WDR7: variants seen among roughly 807,000 people sequenced by gnomAD.
The protein encoded by WDR7 is WD repeat domain 7, also known as WD repeat-containing protein 7.
WDR7 carries 46 observed loss-of-function variants against 169.4 expected under a neutral mutation model. The ratio of observed to expected loss-of-function variants is 0.27; its 90% CI spans 0.21 to 0.35. The LOEUF (loss-of-function observed/expected upper bound fraction) is 0.35, where lower values mean the gene tolerates loss of function less well. Among genes scored for constraint, WDR7 ranks in the 10% least tolerant of loss-of-function variants. WDR7 has a pLI of 1.00. For synonymous variants in WDR7, 612 were observed against 666.8 expected, an observed-to-expected ratio of 0.92 and a Z score of 1.27; for missense variants, 1,534 against 1,859.3, an observed-to-expected ratio of 0.83 and a Z score of 3.22.
chr18:56,939,331 C>A lies in WDR7; in HGVS notation c.4002C>A (p.Tyr1334Ter). ...LLVEVMDIIM[Y>*]CLEGSLVKKK... ...CAAAGGTTATGGACATCATTATGTA[C>A]TGCCTTGAAGGATCTTTAGTTAAAA... Residue 1334 changes from tyrosine (Y) to a stop codon, truncating the protein, a stop_gained, in exon 25 of 28, where the codon TAC (tyrosine) becomes TAA (stop). Coordinates refer to ENST00000254442, the MANE Select transcript of WDR7 (RefSeq NM_015285.3). LOFTEE classifies it high-confidence loss of function. The A allele has an allele frequency of 6.3e-7, 1 of 1,575,120 alleles. No individual in the cohort carries two copies. The highest frequency in any genetic ancestry group is 8.6e-7 in the Non-Finnish European group (1 of 1,160,728).
chr18:56,900,082 G>GTGTGTGTATATATATA (rs1409730889), intron 21 of WDR7, among the ~76,000 whole-genome samples: 1 of 32,052 alleles, frequency 3.1e-5, no homozygotes, highest in African/African-American at 6.2e-5. Flanking sequence ...GTGTGTGTGT[G>GTGTGTGTATATATATA]TATATATATA....
intron 20 of WDR7, among the ~76,000 whole-genome samples, chr18:56,816,460 C>T (rs1358538499): frequency 6.6e-6 from 1 of 152,148 alleles, no homozygotes; most frequent in Non-Finnish European, 1.5e-5. Context: ...GAGGAATATA[C>T]TCATTAAGTT....
intron 20 of WDR7, among the ~76,000 whole-genome samples, chr18:56,843,792 A>G (rs2045522793): frequency 6.6e-6 from 1 of 151,486 alleles, no homozygotes; most frequent in Admixed American, 6.6e-5. Context: ...CATTCCTACT[A>G]GCGGTGCATT....
intron 20 of WDR7, among the ~76,000 whole-genome samples, chr18:56,842,769 G>A (rs1599093019): frequency 1.3e-5 from 2 of 152,016 alleles, no homozygotes; most frequent in African/African-American, 2.4e-5. Context: ...GTATTTTAAC[G>A]TTTTAGAAAA....
Position 56,809,463 on chromosome 18 carries a change from A to T in WDR7, c.3191-6568A>T, listed in dbSNP as rs533294038. 2.0e-5 allele frequency among the ~76,000 whole-genome samples: 3 copies of T among 152,308 alleles called. No homozygotes were observed. The South Asian group carries it at 6.2e-4, about 32-fold the overall frequency. On this transcript the variant is annotated intron_variant, in intron 19 of 27. Transcript: ENST00000254442. ...ACCGTAGCTTGTGTGGTATAATTTG[A>T]CAAATAAGCTCACTTATGTCAAGTA...
intron 12 of WDR7, among the ~76,000 whole-genome samples, chr18:56,714,273 A>G (rs1308968186): frequency 1.3e-5 from 2 of 151,952 alleles, no homozygotes; most frequent in African/African-American, 4.8e-5. Flanking sequence ...TGAGTTAAGT[A>G]CCTCTAATAA....
chr18:56,973,137 A>C (rs2145807468), intron 26 of WDR7, among the ~76,000 whole-genome samples: 1 of 152,294 alleles, frequency 6.6e-6, no homozygotes, highest in African/African-American at 2.4e-5. Context: ...CATCCTACCA[A>C]AGTGCTGGGA....
intron 25 of WDR7, among the ~76,000 whole-genome samples, chr18:56,944,785 T>C (rs1382184136): frequency 6.6e-6 from 1 of 152,228 alleles, no homozygotes; most frequent in Non-Finnish European, 1.5e-5. Flanking sequence ...ATTATAGCAA[T>C]GCATAATTAA....
chr18:56,983,140 T>C (rs763572262), intron 26 of WDR7, among the ~76,000 whole-genome samples: 2 of 152,180 alleles, frequency 1.3e-5, no homozygotes, highest in African/African-American at 2.4e-5. Flanking sequence ...CAGAGGAGAA[T>C]TGCTTTTTAA....
chr18:56,657,446 G>A (rs566812626), intron 1 of WDR7, among the ~76,000 whole-genome samples: 1 of 152,088 alleles, frequency 6.6e-6, no homozygotes, highest in Non-Finnish European at 1.5e-5. Context: ...ACCATGCCTG[G>A]CAATTAAATT....
intron 20 of WDR7, among the ~76,000 whole-genome samples, chr18:56,855,272 A>G (rs2045701975): frequency 1.3e-5 from 2 of 151,580 alleles, no homozygotes; most frequent in African/African-American, 4.8e-5. Flanking sequence ...TTCTAATTGT[A>G]GAAGTTCTTT....
At chr18:56,714,213 T>C (rs1055251418) in intron 12 of WDR7, among the ~76,000 whole-genome samples, 1 of 152,048 alleles carries the variant, frequency 6.6e-6, no homozygotes, top group Non-Finnish European at 1.5e-5. Flanking sequence ...AGAAGAAAAA[T>C]TAGATTTATT....
At chr18:56,687,298 G>T (rs779169898) in intron 7 of WDR7, among the ~76,000 whole-genome samples, 1 of 152,158 alleles carries the variant, frequency 6.6e-6, no homozygotes, top group South Asian at 2.1e-4. Flanking sequence ...ACATTTCTTT[G>T]TAGGGTGTTA....
intron 1 of WDR7, among the ~76,000 whole-genome samples, chr18:56,660,982 C>G (rs956245099): frequency 6.6e-6 from 1 of 152,160 alleles, no homozygotes; most frequent in Non-Finnish European, 1.5e-5. Flanking sequence ...AAATGGAGAG[C>G]TGGGTTCCTC....
intron 14 of WDR7, among the ~76,000 whole-genome samples, chr18:56,739,783 T>C (rs1004647323): frequency 2.4e-4 from 37 of 152,226 alleles, no homozygotes; most frequent in African/African-American, 8.2e-4. Flanking sequence ...GCTATCATTC[T>C]TATTGTTATT....
intron 25 of WDR7, among the ~76,000 whole-genome samples, chr18:56,949,674 A>G (rs1388219229): frequency 6.6e-6 from 1 of 152,214 alleles, no homozygotes; most frequent in South Asian, 2.1e-4. Context: ...TAGTTGCAGT[A>G]TGGAATCTGC....
intron 20 of WDR7, among the ~76,000 whole-genome samples, chr18:56,821,820 C>G (rs765428483): frequency 1.3e-5 from 2 of 151,484 alleles, no homozygotes; most frequent in Non-Finnish European, 2.9e-5. Context: ...CAGGGAGATA[C>G]CCTATCTCTA....
chr18:56,758,630 A>G (rs549963864), intron 15 of WDR7, among the ~76,000 whole-genome samples: 10 of 151,734 alleles, frequency 6.6e-5, no homozygotes, highest in African/African-American at 2.2e-4. Context: ...TCTTAAACTA[A>G]TATGAAGCAC....
intron 26 of WDR7, among the ~76,000 whole-genome samples, chr18:57,018,016 C>T (rs2048231162): frequency 6.6e-6 from 1 of 152,248 alleles, no homozygotes. Context: ...AAAAAGCTAA[C>T]TTGCTAGCCT....
Sources: allele counts gnomAD v4.1 joint callset (sites outside exome capture counted in the v4.1 genomes callset), GRCh38; gene constraint gnomAD v4.1.1; transcripts MANE v1.5; gene names NCBI Gene and HGNC (gene_info 2026-07-23, HGNC 2026-07-21).